The following LRRN3 variants were observed in gnomAD, a reference collection of about 807,000 sequenced individuals.
The protein encoded by LRRN3 is leucine-rich repeat neuronal protein 3.
LRRN3 carries 15 observed loss-of-function variants against 40.1 expected under a neutral mutation model. The ratio of observed to expected loss-of-function variants is 0.37; its 90% CI spans 0.25 to 0.58. The LOEUF (loss-of-function observed/expected upper bound fraction) is 0.58. Among genes scored for constraint, LRRN3 ranks in the 20% least tolerant of loss-of-function variants. The probability of loss-of-function intolerance (pLI) is 0.72; values close to 1 mark genes in which losing one functional copy is unlikely to be tolerated. For missense variants in LRRN3, 746 were observed against 837.7 expected (o/e 0.89, Z 1.35); for synonymous variants, 308 against 297.2 (o/e 1.04, Z -0.37).
At chr7:111,110,857 G>C (rs111390784) in intron 2 of LRRN3, among the ~76,000 whole-genome samples, 7 of 152,190 alleles carry the variant, frequency 4.6e-5, no homozygotes, top group Admixed American at 2.0e-4. Context: ...AAATTTAAGG[G>C]ATTCCAGATC....
intron 2 of LRRN3, among the ~76,000 whole-genome samples, chr7:111,103,599 T>C (rs975950753): frequency 2.6e-5 from 4 of 151,690 alleles, no homozygotes; most frequent in South Asian, 2.1e-4. Context: ...TTTTGTTCTG[T>C]CATTTCTCCT....
intron 2 of LRRN3, among the ~76,000 whole-genome samples, chr7:111,114,804 A>T (rs1306453822): frequency 6.6e-6 from 1 of 152,080 alleles, no homozygotes; most frequent in Non-Finnish European, 1.5e-5. Context: ...AGAATATTTA[A>T]GGGTTACTAC....
At chr7:111,111,775 T>G (rs546472404) in intron 2 of LRRN3, among the ~76,000 whole-genome samples, 36 of 151,990 alleles carry the variant, frequency 2.4e-4, no homozygotes, top group African/African-American at 8.7e-4. Context: ...AAAGAGTTAT[T>G]GTGAGGCTTC....
At chr7:111,107,453 T>C (rs577860794) in intron 2 of LRRN3, among the ~76,000 whole-genome samples, 1 of 152,058 alleles carries the variant, frequency 6.6e-6, no homozygotes, top group South Asian at 2.1e-4. Context: ...AAATTCTGGA[T>C]AGTTCTTTGT....
intron 2 of LRRN3, among the ~76,000 whole-genome samples, chr7:111,100,733 A>T (rs545367209): frequency 6.6e-6 from 1 of 151,426 alleles, no homozygotes; most frequent in Non-Finnish European, 1.5e-5. Flanking sequence ...TAGAAGTGTA[A>T]TGTATGTAAA....
At chr7:111,102,514 T>A (rs1464583782) in intron 2 of LRRN3, among the ~76,000 whole-genome samples, 1 of 151,608 alleles carries the variant, frequency 6.6e-6, no homozygotes, top group Non-Finnish European at 1.5e-5. Flanking sequence ...AACATGTTAA[T>A]TACTTGAGTC....
rs1478864064 is a variant in LRRN3, at chr7:111,124,028, G to T, written c.1256G>T (p.Cys419Phe). 1 of 1,613,960 alleles carries T rather than the reference G, an allele frequency of 6.2e-7. No homozygotes were observed. Among genetic ancestry groups the T allele is most frequent in the African/African-American group, 1.3e-5 (1 of 74,922 alleles). The stretch of plus-strand genomic sequence containing the variant: ...CATTTCAGGGACATGATGGAAATTT[G>T]TCTCCCTCTTATAGCTCCTGAGAGC... ...QVHFRDMMEI[C>F]LPLIAPESFP... is the part of the protein sequence containing the mutation. Residue 419 changes from cysteine to phenylalanine, a missense_variant, in exon 3 of 3, where the codon TGT becomes TTT. Physicochemically the swap from Cys to Phe is radical, Grantham distance 205. Coordinates refer to ENST00000308478, the MANE Select transcript of LRRN3 (RefSeq NM_001099658.2).
chr7:111,102,170 A>T (rs550161419), intron 2 of LRRN3, among the ~76,000 whole-genome samples: 1 of 151,704 alleles, frequency 6.6e-6, no homozygotes, highest in African/African-American at 2.4e-5. Context: ...AAAGTGACTT[A>T]CAGACATAAT....
At chr7:111,108,683 C>T (rs1017015535) in intron 2 of LRRN3, among the ~76,000 whole-genome samples, 1 of 151,966 alleles carries the variant, frequency 6.6e-6, no homozygotes, top group Non-Finnish European at 1.5e-5. Context: ...TTTGTAATCT[C>T]CTGAATTTAA....
rs1586442199 is a variant in LRRN3, at chr7:111,124,450, A to G, written c.1678A>G (p.Thr560Ala). 1 of 1,613,870 alleles carries G rather than the reference A, an allele frequency of 6.2e-7. No homozygotes were observed. Among genetic ancestry groups the G allele is most frequent in the Non-Finnish European group, 8.5e-7 (1 of 1,179,948 alleles). ...SSVKWTAFVK[T>A]ENSHAAQSAR... ...TGTTAAATGGACAGCCTTTGTCAAGACTGAAAATTCTCATGCTGCGCAAAG... is the reference window on the plus strand; with the variant it reads ...TGTTAAATGGACAGCCTTTGTCAAGGCTGAAAATTCTCATGCTGCGCAAAG... The change falls in exon 3 of 3, where the codon ACT (threonine) becomes GCT (alanine). Residue 560 changes from threonine to alanine, a missense_variant. Physicochemically the swap from Thr to Ala is moderately conservative, Grantham distance 58 (BLOSUM62 0). Transcript: ENST00000308478.
chr7:111,093,618 G>T (rs937960119), intron 1 of LRRN3, among the ~76,000 whole-genome samples: 1 of 152,118 alleles, frequency 6.6e-6, no homozygotes, highest in South Asian at 2.1e-4. Context: ...TTTAACCTTA[G>T]TAAAGCTCAC....
At chr7:111,114,037 A>T (rs1032838228) in intron 2 of LRRN3, among the ~76,000 whole-genome samples, 20 of 152,162 alleles carry the variant, frequency 1.3e-4, no homozygotes, top group Admixed American at 8.5e-4. Flanking sequence ...TAAAGAGTGG[A>T]CAAAATGGGA....
At position 111,122,566 on chromosome 7, in the gene LRRN3, C is replaced by A; in HGVS notation, c.-207C>A. The A allele has an allele frequency of 3.7e-6, 2 of 547,146 alleles. No homozygotes were observed. 33.9% of individuals were successfully genotyped at this position (547,146 alleles called of 1,614,324 possible). A position where few individuals can be genotyped will look rare whatever the true frequency, so the allele number is the denominator to read the frequency against. Reference sequence around the variant, plus strand: ...ATTATATCATTAAGGAAATAGTAACCTTCTCTTCTCCAATATGCATGACAT... The same window carrying A: ...ATTATATCATTAAGGAAATAGTAACATTCTCTTCTCCAATATGCATGACAT... On this transcript the variant is annotated 5_prime_UTR_variant, in exon 3 of 3. Transcript: ENST00000308478.
intron 2 of LRRN3, among the ~76,000 whole-genome samples, chr7:111,114,804 A>C (rs1306453822): frequency 6.6e-6 from 1 of 152,080 alleles, no homozygotes; most frequent in Non-Finnish European, 1.5e-5. Flanking sequence ...AGAATATTTA[A>C]GGGTTACTAC....
chr7:111,113,625 AT>A (rs1213482863), intron 2 of LRRN3, among the ~76,000 whole-genome samples: 1 of 152,212 alleles, frequency 6.6e-6, no homozygotes, highest in Non-Finnish European at 1.5e-5. Flanking sequence ...CAATAAAAAA[AT>A]GACTTAAAAA....
At chr7:111,102,754 G>A (rs1258050877) in intron 2 of LRRN3, among the ~76,000 whole-genome samples, 6 of 151,364 alleles carry the variant, frequency 4.0e-5, no homozygotes, top group South Asian at 2.1e-4. Context: ...CCACTACTCT[G>A]GGACATTCCA....
intron 2 of LRRN3, among the ~76,000 whole-genome samples, chr7:111,103,309 T>C (rs993281184): frequency 2.0e-5 from 3 of 151,570 alleles, no homozygotes; most frequent in Admixed American, 6.6e-5. Context: ...CATTTACACT[T>C]TCACACACAG....
intron 2 of LRRN3, among the ~76,000 whole-genome samples, chr7:111,107,198 CTT>C: frequency 6.6e-6 from 1 of 151,796 alleles, no homozygotes; most frequent in Non-Finnish European, 1.5e-5. Context: ...TCCCTCCCTT[CTT>C]CCTTCTCTCT....
At chr7:111,094,357 T>C (rs1797183562) in intron 1 of LRRN3, among the ~76,000 whole-genome samples, 2 of 152,056 alleles carry the variant, frequency 1.3e-5, no homozygotes, top group African/African-American at 2.4e-5. Context: ...AGAAAGCTAA[T>C]AGTAGACTAA....
Sources: allele counts gnomAD v4.1 joint callset (sites outside exome capture counted in the v4.1 genomes callset), GRCh38; gene constraint gnomAD v4.1.1; transcripts MANE v1.5; gene names NCBI Gene and HGNC (gene_info 2026-07-23, HGNC 2026-07-21).